SLC14A2: variants seen among roughly 807,000 people sequenced by gnomAD.
The protein encoded by SLC14A2 is urea transporter 2.
In SLC14A2, 91 loss-of-function variants were observed where a neutral mutation model predicts 104.6. The ratio of observed to expected loss-of-function variants is 0.87; its 90% CI spans 0.73 to 1.04. The LOEUF is 1.04. Among genes scored for constraint, SLC14A2 ranks in the 50% least tolerant of loss-of-function variants. The pLI, the probability that SLC14A2 is intolerant of heterozygous loss-of-function variation, is 0.00. For synonymous variants in SLC14A2, 476 were observed against 466.4 expected (o/e 1.02, Z -0.27); for missense variants, 1,189 against 1,156.0 (o/e 1.03, Z -0.41).
chr18:45,258,163 G>A (rs554184465), intron 1 of SLC14A2, among the ~76,000 whole-genome samples: 2 of 145,068 alleles, frequency 1.4e-5, no homozygotes, highest in African/African-American at 5.3e-5. Context: ...AAGGTCACCT[G>A]TTGTTACTTT....
intron 1 of SLC14A2, among the ~76,000 whole-genome samples, chr18:45,215,707 C>T (rs2084004163): frequency 6.6e-6 from 1 of 152,208 alleles, no homozygotes; most frequent in Non-Finnish European, 1.5e-5. Context: ...TAGATATTTG[C>T]CGCAGCTTAT....
At chr18:45,475,653 A>AG (rs1568227935) in intron 1 of SLC14A2, among the ~76,000 whole-genome samples, 57 of 42,104 alleles carry the variant, frequency 1.4e-3, no homozygotes, top group South Asian at 0.013. Flanking sequence ...ATATATATAT[A>AG]TATATATATA....
At chr18:45,317,368 A>T (rs548953927) in intron 1 of SLC14A2, among the ~76,000 whole-genome samples, 58 of 152,296 alleles carry the variant, frequency 3.8e-4, no homozygotes, top group Non-Finnish European at 6.2e-4. Flanking sequence ...CTTAAGGGAG[A>T]TCTCAGTCTA....
chr18:45,564,455 G>A (rs1373365989), intron 2 of SLC14A2, among the ~76,000 whole-genome samples: 1 of 152,156 alleles, frequency 6.6e-6, no homozygotes, highest in African/African-American at 2.4e-5. Context: ...GAGTGTTCCT[G>A]GCAGCTTTTT....
At chr18:45,400,305 G>A (rs151198315) in intron 1 of SLC14A2, among the ~76,000 whole-genome samples, 1 of 152,246 alleles carries the variant, frequency 6.6e-6, no homozygotes. Flanking sequence ...CTCTTGATGT[G>A]TTTTGCGATT....
intron 1 of SLC14A2, among the ~76,000 whole-genome samples, chr18:45,466,844 T>C (rs757673208): frequency 2.4e-4 from 36 of 152,118 alleles, no homozygotes; most frequent in Non-Finnish European, 5.0e-4. Flanking sequence ...GATTCCTCCA[T>C]TCAGCAAATA....
At chr18:45,546,255 A>G (rs990591618) in intron 2 of SLC14A2, among the ~76,000 whole-genome samples, 2 of 152,260 alleles carry the variant, frequency 1.3e-5, no homozygotes, top group Non-Finnish European at 2.9e-5. Context: ...AGGATTTTAT[A>G]TCCTTAGAAC....
chr18:45,587,998 C>T (rs146796755), intron 2 of SLC14A2, among the ~76,000 whole-genome samples: 206 of 151,208 alleles, frequency 1.4e-3, no homozygotes, highest in African/African-American at 4.2e-3. Context: ...TGCAGGGGGG[C>T]GCTAGGGCAG....
intron 1 of SLC14A2, among the ~76,000 whole-genome samples, chr18:45,426,730 C>CACACACACACACACAT (rs1352896029): frequency 6.7e-6 from 1 of 150,058 alleles, no homozygotes; most frequent in African/African-American, 2.5e-5. Flanking sequence ...CACACACACA[C>CACACACACACACACAT]ACATACATAC....
chr18:45,340,476 G>A lies in SLC14A2; in HGVS notation c.-125+127285G>A, dbSNP rs375424461. On this transcript the variant is annotated intron_variant, in intron 1 of 20. Transcript: ENST00000586448. Reference sequence around the variant, plus strand: ...AGGTGAGAAATTCCCAGAAAAGTCAGAGAATTTGTTGTCCTGATTATGAAG... The same window carrying A: ...AGGTGAGAAATTCCCAGAAAAGTCAAAGAATTTGTTGTCCTGATTATGAAG... Among the ~76,000 whole-genome samples the A allele has an allele frequency of 1.2e-4, 19 of 152,320 alleles. No individual in the cohort carries two copies. The South Asian group carries it at 3.9e-3, about 32-fold the overall frequency.
chr18:45,664,870 A>G (rs1342505253), intron 11 of SLC14A2, among the ~76,000 whole-genome samples: 1 of 152,126 alleles, frequency 6.6e-6, no homozygotes, highest in Non-Finnish European at 1.5e-5. Flanking sequence ...TGTGGAAGAG[A>G]CCACGGTTTG....
chr18:45,682,196 T>C, intron 19 of SLC14A2, 123 bp from the exon 20 acceptor site: 1 of 799,496 alleles, frequency 1.3e-6, no homozygotes, highest in Admixed American at 1.9e-5. Flanking sequence ...TGGTCATCAA[T>C]GAAGTATCAA....
In SLC14A2 at chr18:45,643,038, C is replaced by T. The variant is rs575257367; in HGVS notation, c.1127-94C>T. 23 of 1,072,494 alleles carry T rather than the reference C, an allele frequency of 2.1e-5. No individual in the cohort carries two copies. The East Asian group carries it at 5.0e-4, about 23-fold the overall frequency. The allele number at this position is 1,072,494 out of a possible 1,614,324, so 66.4% of individuals were successfully genotyped here. A position where few individuals can be genotyped will look rare whatever the true frequency, so the allele number is the denominator to read the frequency against. ...AGGCTGCAGGAGAGAGGGTGGGGCTCCTGTTCTTGGTCTGGGCTCCCTGGT... is the reference window on the plus strand; with the variant it reads ...AGGCTGCAGGAGAGAGGGTGGGGCTTCTGTTCTTGGTCTGGGCTCCCTGGT... On this transcript the variant is annotated intron_variant, in intron 8 of 19. Coordinates refer to ENST00000255226, the MANE Select transcript of SLC14A2 (RefSeq NM_007163.4).
intron 1 of SLC14A2, among the ~76,000 whole-genome samples, chr18:45,267,484 T>C (rs1402329885): frequency 2.0e-5 from 3 of 152,176 alleles, no homozygotes; most frequent in African/African-American, 7.2e-5. Context: ...AACTGGATAT[T>C]TTTAGGAGTG....
At chr18:45,351,872 G>T (rs752374421) in intron 1 of SLC14A2, among the ~76,000 whole-genome samples, 5 of 152,168 alleles carry the variant, frequency 3.3e-5, no homozygotes, top group Non-Finnish European at 7.4e-5. Flanking sequence ...GGAACACTTG[G>T]ATTCAAATAT....
chr18:45,399,838 C>T (rs1298525214), intron 1 of SLC14A2, among the ~76,000 whole-genome samples: 1 of 152,066 alleles, frequency 6.6e-6, no homozygotes. Flanking sequence ...AGAGTTAGTA[C>T]CAAGAGCCAA....
intron 2 of SLC14A2, among the ~76,000 whole-genome samples, chr18:45,588,537 C>A (rs1026663143): frequency 6.6e-6 from 1 of 152,222 alleles, no homozygotes; most frequent in Non-Finnish European, 1.5e-5. Context: ...TGACATCCAT[C>A]GGCCCTGTGA....
intron 1 of SLC14A2, among the ~76,000 whole-genome samples, chr18:45,286,718 T>TTGTGTATGTG (rs2084818064): frequency 6.6e-6 from 1 of 150,610 alleles, no homozygotes; most frequent in African/African-American, 2.5e-5. Flanking sequence ...TCCCCCCAAC[T>TTGTGTATGTG]TGTGTGTGTG....
intron 1 of SLC14A2, among the ~76,000 whole-genome samples, chr18:45,335,803 C>T (rs769099433): frequency 2.6e-5 from 4 of 152,192 alleles, no homozygotes; most frequent in Non-Finnish European, 4.4e-5. Flanking sequence ...AGGGTTTCCT[C>T]TTCCAGCCAG....
Sources: gnomAD v4.1 joint callset for allele counts (sites outside exome capture counted in the v4.1 genomes callset) on GRCh38, gnomAD v4.1.1 for gene constraint, MANE v1.5 for transcripts, NCBI Gene and HGNC (gene_info 2026-07-23, HGNC 2026-07-21) for gene names.